The following PLCB1 variants were observed in gnomAD, a reference collection of about 807,000 sequenced individuals.
The protein encoded by PLCB1 is phospholipase C beta 1, also known as 1-phosphatidylinositol 4,5-bisphosphate phosphodiesterase beta-1.
Under a neutral mutation model 161.8 loss-of-function variants are expected in PLCB1, and 46 were observed. The ratio of observed to expected loss-of-function variants is 0.28; its 90% CI spans 0.22 to 0.36. The LOEUF (loss-of-function observed/expected upper bound fraction) is 0.36. Among genes scored for constraint, PLCB1 ranks in the 10% least tolerant of loss-of-function variants. The pLI, the probability that PLCB1 is intolerant of heterozygous loss-of-function variation, is 1.00. For missense variants in PLCB1, 1,016 were observed against 1,472.5 expected, an observed-to-expected ratio of 0.69 and a Z score of 5.07; for synonymous variants, 517 against 503.7, an observed-to-expected ratio of 1.03 and a Z score of -0.35.
At chr20:8,852,757 T>G (rs1197508263) in intron 31 of PLCB1, among the ~76,000 whole-genome samples, 2 of 152,226 alleles carry the variant, frequency 1.3e-5, no homozygotes, top group Non-Finnish European at 2.9e-5. Context: ...GTTTGTAATG[T>G]TTATTGTTTT....
rs144527267 is a variant in PLCB1 at position 8,383,172 on chromosome 20, G to A, written c.246+11722G>A. 3.4e-4 allele frequency among the ~76,000 whole-genome samples: 52 copies of A among 152,232 alleles called. No individual in the cohort carries two copies. In the East Asian group the frequency reaches 4.8e-3, roughly 14 times the overall value. ...ACAAGTATTGTATGGGAATCTCTGC[G>A]TCTCTTTGTAGGTCTCTAAGAACAT... On this transcript the variant is annotated intron_variant, in intron 3 of 31. Coordinates refer to ENST00000338037, the MANE Select transcript of PLCB1 (RefSeq NM_015192.4).
At chr20:8,850,632 GAT>G (rs11470847) in intron 31 of PLCB1, among the ~76,000 whole-genome samples, 48,423 of 151,896 alleles carry the variant, frequency 0.32, 8,692 homozygotes, top group East Asian at 0.63. Flanking sequence ...CATGAATGGG[GAT>G]AGTGCCCTTA....
chr20:8,676,401 G>GAAAGAAGAAAGAGAGAC, intron 9 of PLCB1, among the ~76,000 whole-genome samples: 1 of 151,476 alleles, frequency 6.6e-6, no homozygotes, highest in East Asian at 2.0e-4. Context: ...GACAAAGAAA[G>GAAAGAAGAAAGAGAGAC]AAAGAAAGAA....
At chr20:8,683,442 T>C (rs776652527) in intron 9 of PLCB1, among the ~76,000 whole-genome samples, 3 of 152,052 alleles carry the variant, frequency 2.0e-5, no homozygotes, top group Non-Finnish European at 4.4e-5. Flanking sequence ...GGCAACATAT[T>C]TACTACCCGC....
chr20:8,844,557 G>C (rs1487421234), intron 31 of PLCB1, among the ~76,000 whole-genome samples: 1 of 151,938 alleles, frequency 6.6e-6, no homozygotes, highest in African/African-American at 2.4e-5. Flanking sequence ...TCCTGCCTGG[G>C]TAACAAAGTG....
At chr20:8,208,573 A>C (rs561220583) in intron 2 of PLCB1, among the ~76,000 whole-genome samples, 1 of 147,504 alleles carries the variant, frequency 6.8e-6, no homozygotes, top group Non-Finnish European at 1.5e-5. Flanking sequence ...CTAAACACAC[A>C]GATGTCTTAA....
chr20:8,296,853 A>G (rs1209743588), intron 2 of PLCB1, among the ~76,000 whole-genome samples: 1 of 152,204 alleles, frequency 6.6e-6, no homozygotes, highest in East Asian at 1.9e-4. Context: ...CTTCATGCAG[A>G]CATTATATAT....
At chr20:8,819,212 A>G (rs1460931101) in intron 31 of PLCB1, among the ~76,000 whole-genome samples, 1 of 152,198 alleles carries the variant, frequency 6.6e-6, no homozygotes, top group Admixed American at 6.5e-5. Context: ...GAATAAGCGC[A>G]CACTGATGTG....
intron 2 of PLCB1, among the ~76,000 whole-genome samples, chr20:8,284,310 A>G (rs892340744): frequency 1.3e-5 from 2 of 152,074 alleles, no homozygotes; most frequent in South Asian, 2.1e-4. Flanking sequence ...ATATCCTTCT[A>G]TTGACTTTAC....
intron 2 of PLCB1, among the ~76,000 whole-genome samples, chr20:8,287,627 C>A (rs1983183817): frequency 1.3e-5 from 2 of 152,306 alleles, no homozygotes; most frequent in Middle Eastern, 3.4e-3. Context: ...ATTAAGCCAG[C>A]AGAATCATAG....
intron 25 of PLCB1, among the ~76,000 whole-genome samples, chr20:8,762,000 C>T (rs1227388394): frequency 3.4e-5 from 5 of 146,920 alleles, no homozygotes; most frequent in Admixed American, 2.7e-4. Context: ...CACCTGAGGT[C>T]GGGAGTTCGA....
Position 8,385,075 on chromosome 20 carries a change from G to A in PLCB1, c.246+13625G>A, listed in dbSNP as rs566886505. Among the ~76,000 whole-genome samples the A allele has an allele frequency of 2.2e-4, 34 of 152,268 alleles. 1 individual carries two copies. Among genetic ancestry groups the A allele is most frequent in the Non-Finnish European group, 4.4e-5 (3 of 68,030 alleles). On this transcript the variant is annotated intron_variant, in intron 3 of 31. Transcript: ENST00000338037. ...TCACTTGGTGGAGGGGATGTGCTTC[G>A]CTGGGGAGAAACCCACTCTTCTGGG...
chr20:8,500,301 G>C (rs1983351998), intron 3 of PLCB1, among the ~76,000 whole-genome samples: 1 of 152,116 alleles, frequency 6.6e-6, no homozygotes, highest in Admixed American at 6.5e-5. Context: ...CTCTTTGTTT[G>C]AGAATTCAAA....
At chr20:8,732,037 C>T (rs946988334) in intron 18 of PLCB1, 1 of 151,956 alleles carries the variant, frequency 6.6e-6, no homozygotes, top group African/African-American at 2.4e-5. Flanking sequence ...TTCTTTACAA[C>T]TTTAATATGT....
chr20:8,718,386 T>G (rs1600273478), intron 14 of PLCB1, among the ~76,000 whole-genome samples: 2 of 152,222 alleles, frequency 1.3e-5, no homozygotes, highest in Middle Eastern at 6.8e-3. Flanking sequence ...GCCCCCTGGG[T>G]TTCACTGGGC....
At chr20:8,571,840 T>C (rs1986529527) in intron 3 of PLCB1, among the ~76,000 whole-genome samples, 1 of 152,206 alleles carries the variant, frequency 6.6e-6, no homozygotes, top group African/African-American at 2.4e-5. Flanking sequence ...GGGTGTCTGT[T>C]AGTCATTAGG....
intron 2 of PLCB1, among the ~76,000 whole-genome samples, chr20:8,262,259 T>TA (rs1981736897): frequency 6.7e-6 from 1 of 149,376 alleles, no homozygotes; most frequent in African/African-American, 2.5e-5. Context: ...TTTTTTTTTT[T>TA]ATTGTATTTT....
chr20:8,535,420 G>A (rs1985014850), intron 3 of PLCB1, among the ~76,000 whole-genome samples: 1 of 152,118 alleles, frequency 6.6e-6, no homozygotes, highest in Non-Finnish European at 1.5e-5. Context: ...TAAAAGCCAT[G>A]TCAATGCCAT....
At chr20:8,497,153 A>G (rs2122797124) in intron 3 of PLCB1, among the ~76,000 whole-genome samples, 1 of 152,324 alleles carries the variant, frequency 6.6e-6, no homozygotes, top group Middle Eastern at 3.4e-3. Context: ...GAAGGGGAAA[A>G]TGCACAAATT....
Sources: allele counts gnomAD v4.1 joint callset (sites outside exome capture counted in the v4.1 genomes callset), GRCh38; gene constraint gnomAD v4.1.1; transcripts MANE v1.5; gene names NCBI Gene and HGNC (gene_info 2026-07-23, HGNC 2026-07-21).